Variants in OPCML observed in about 807,000 individuals in gnomAD.
The protein encoded by OPCML is opioid binding protein/cell adhesion molecule like.
In OPCML, 13 loss-of-function variants were observed where a neutral mutation model predicts 37.8. The ratio of observed to expected loss-of-function variants is 0.34; its 90% CI spans 0.22 to 0.55. The LOEUF (loss-of-function observed/expected upper bound fraction) is 0.55, where lower values mean the gene tolerates loss of function less well. Among genes scored for constraint, OPCML ranks in the 20% least tolerant of loss-of-function variants. The pLI is 0.91. For synonymous variants in OPCML, 176 were observed against 168.8 expected (o/e 1.04, Z -0.33); for missense variants, 341 against 435.6 (o/e 0.78, Z 1.93).
intron 1 of OPCML, chr11:133,006,926 G>A (rs1947124995): frequency 2.0e-6 from 2 of 985,318 alleles, no homozygotes; most frequent in East Asian, 1.1e-4. Context: ...AGTGCTTGTG[G>A]CATAAGCAGG....
chr11:132,512,474 A>G (rs1010319334), intron 4 of OPCML, among the ~76,000 whole-genome samples: 1 of 152,080 alleles, frequency 6.6e-6, no homozygotes, highest in South Asian at 2.1e-4. Context: ...CAACTGGCAA[A>G]TGAGTAAACA....
chr11:132,778,961 C>CTTTTTTTTTT (rs10657036), intron 2 of OPCML, among the ~76,000 whole-genome samples: 8 of 87,922 alleles, frequency 9.1e-5, no homozygotes, highest in Non-Finnish European at 1.3e-4. Context: ...TGGTATATTT[C>CTTTTTTTTTT]TTTTTTTTTT....
At chr11:132,907,775 T>C (rs1565954241) in intron 2 of OPCML, among the ~76,000 whole-genome samples, 1 of 151,896 alleles carries the variant, frequency 6.6e-6, no homozygotes, top group African/African-American at 2.4e-5. Context: ...ATGCTCCAAA[T>C]GCTCACTGCA....
At chr11:133,250,223 C>T (rs547982367) in intron 1 of OPCML, among the ~76,000 whole-genome samples, 1 of 152,168 alleles carries the variant, frequency 6.6e-6, no homozygotes, top group African/African-American at 2.4e-5. Context: ...TATGTTCCCT[C>T]TTATGTATTT....
At chr11:132,955,898 A>G (rs1945968591) in intron 1 of OPCML, among the ~76,000 whole-genome samples, 1 of 152,174 alleles carries the variant, frequency 6.6e-6, no homozygotes, top group Non-Finnish European at 1.5e-5. Context: ...CAAAACAAAG[A>G]AAATGCTGAA....
intron 1 of OPCML, among the ~76,000 whole-genome samples, chr11:132,981,223 A>G (rs1187400690): frequency 2.0e-5 from 3 of 152,240 alleles, no homozygotes; most frequent in Non-Finnish European, 4.4e-5. Context: ...ATGGAAAAAG[A>G]CAATCATTTT....
intron 1 of OPCML, among the ~76,000 whole-genome samples, chr11:133,161,578 G>A (rs1950142263): frequency 1.3e-5 from 2 of 152,208 alleles, no homozygotes; most frequent in Non-Finnish European, 1.5e-5. Flanking sequence ...GAAGAGTTCT[G>A]TCAGCTGGCC....
Position 133,206,558 on chromosome 11 carries a change from G to A in OPCML, c.62-263548C>T, listed in dbSNP as rs1370699758. 1.3e-5 allele frequency among the ~76,000 whole-genome samples: 2 copies of A among 152,156 alleles called. No individual in the cohort carries two copies. The highest frequency in any genetic ancestry group is 2.9e-5 in the Non-Finnish European group (2 of 68,036). On this transcript the variant is annotated intron_variant, in intron 1 of 7. Coordinates refer to ENST00000524381, the MANE Select transcript of OPCML (RefSeq NM_001012393.5). This position sits in a 1 kb window ranked among gnomAD's most constrained non-coding sequence, Gnocchi z 4.7. ...CTCTCAGAAACATTTGCATATCTAA[G>A]CCACTAATAAATGAAGGGTAGTAGA...
chr11:132,465,842 G>T (rs2096117969), intron 4 of OPCML, among the ~76,000 whole-genome samples: 1 of 152,096 alleles, frequency 6.6e-6, no homozygotes, highest in African/African-American at 2.4e-5. Flanking sequence ...TCACTTTGAA[G>T]TCTTCCAGAT....
intron 2 of OPCML, among the ~76,000 whole-genome samples, chr11:132,774,440 T>A (rs1946746328): frequency 6.6e-6 from 1 of 152,202 alleles, no homozygotes; most frequent in South Asian, 2.1e-4. Context: ...TGGTCAGTGT[T>A]ACAAATGATG....
chr11:132,476,288 C>T (rs2096155302), intron 4 of OPCML, among the ~76,000 whole-genome samples: 1 of 152,014 alleles, frequency 6.6e-6, no homozygotes, highest in African/African-American at 2.4e-5. Flanking sequence ...GTGGCGATTC[C>T]TCAGGGATCT....
intron 1 of OPCML, among the ~76,000 whole-genome samples, chr11:133,018,330 T>A (rs1200089084): frequency 6.6e-6 from 1 of 152,222 alleles, no homozygotes; most frequent in East Asian, 1.9e-4. Context: ...TGTATGTATG[T>A]AGATACGTGT....
At chr11:132,864,938 C>G (rs1942467089) in intron 2 of OPCML, among the ~76,000 whole-genome samples, 1 of 152,242 alleles carries the variant, frequency 6.6e-6, no homozygotes. Context: ...AAGGGCTCAT[C>G]TCCTGAAGCC....
chr11:132,920,080 C>T (rs1383924012), intron 2 of OPCML, among the ~76,000 whole-genome samples: 2 of 152,162 alleles, frequency 1.3e-5, no homozygotes, highest in Non-Finnish European at 2.9e-5. Context: ...GTGATGATTG[C>T]ACAACCTTAC....
At position 133,234,225 on chromosome 11, in the gene OPCML, A is replaced by G. The variant is rs546907243; in HGVS notation, c.62-291215T>C. On this transcript the variant is annotated intron_variant, in intron 1 of 7. Transcript: ENST00000524381. ...AAAATTTTGTTTTGTTTTCTAAAAAAAAAAGAAACAAAAAGCAAAACCAAA... is the reference window on the plus strand; with the variant it reads ...AAAATTTTGTTTTGTTTTCTAAAAAGAAAAGAAACAAAAAGCAAAACCAAA... Among the ~76,000 whole-genome samples the G allele has an allele frequency of 4.6e-5, 7 of 152,318 alleles. No individual in the cohort carries two copies. In the South Asian group the frequency reaches 1.4e-3, roughly 32 times the overall value.
intron 1 of OPCML, among the ~76,000 whole-genome samples, chr11:133,151,672 C>T (rs1216360710): frequency 1.3e-5 from 2 of 152,184 alleles, no homozygotes; most frequent in African/African-American, 4.8e-5. Flanking sequence ...TGACCCTCCA[C>T]AGCTCTGTCC....
chr11:133,410,634 T>TAAAAAAAAAAAAAAAA lies in OPCML; in HGVS notation c.61+121614_61+121629dup, dbSNP rs71038527. On this transcript the variant is annotated intron_variant, in intron 1 of 7. Coordinates refer to ENST00000524381, the MANE Select transcript of OPCML (RefSeq NM_001012393.5). ...TGAAAGCACACGTTAAGAAAAAAAG[T>TAAAAAAAAAAAAAAAA]AAAAAAAAAAAAAAAAAAAAAAAAA... 6.2e-4 allele frequency among the ~76,000 whole-genome samples: 29 copies of TAAAAAAAAAAAAAAAA among 47,010 alleles called. 9 individuals are homozygous for TAAAAAAAAAAAAAAAA. The highest frequency in any genetic ancestry group is 2.5e-3 in the South Asian group (2 of 816). 30.8% of individuals were successfully genotyped at this position (47,010 alleles called of 152,430 possible).
intron 2 of OPCML, among the ~76,000 whole-genome samples, chr11:132,794,164 G>C (rs776930482): frequency 6.6e-6 from 1 of 152,140 alleles, no homozygotes; most frequent in Non-Finnish European, 1.5e-5. Context: ...TTGCCTCCCA[G>C]GTAAACTCCT....
At chr11:132,530,048 A>T (rs986152460) in intron 3 of OPCML, among the ~76,000 whole-genome samples, 1 of 152,164 alleles carries the variant, frequency 6.6e-6, no homozygotes, top group Non-Finnish European at 1.5e-5. Context: ...GTGGATGATA[A>T]TGGTAGCTAA....
Sources: gnomAD v4.1 joint callset for allele counts (sites outside exome capture counted in the v4.1 genomes callset) on GRCh38, gnomAD v4.1.1 for gene constraint, Gnocchi (gnomAD v3.1) non-coding constraint, MANE v1.5 for transcripts, NCBI Gene and HGNC (gene_info 2026-07-23, HGNC 2026-07-21) for gene names.